Variants in NUDT13 observed in about 807,000 individuals in gnomAD.
NUDT13 encodes the protein NAD(P)H pyrophosphatase NUDT13, mitochondrial.
In NUDT13, 40 loss-of-function variants were observed where a neutral mutation model predicts 41.7. The observed-to-expected ratio is 0.96, with a 90% confidence interval of 0.75 to 1.25. The LOEUF is 1.25. Ranked by LOEUF, NUDT13 falls within the 50% of genes most tolerant of loss-of-function variation. The pLI is 0.00. For synonymous variants in NUDT13, 145 were observed against 155.5 expected (o/e 0.93, Z 0.50); for missense variants, 390 against 416.1 (o/e 0.94, Z 0.55).
In NUDT13 at chr10:73,122,321, T is replaced by C; in HGVS notation, c.358+12T>C. ...CTTTTCCATAAGTGGTACATGACAT[T>C]ATTCCTAACGGGTACTTCCCAGTGG... On this transcript the variant is annotated intron_variant, in intron 4 of 8. Transcript: ENST00000357321. 1 of 1,604,502 alleles carries C rather than the reference T, an allele frequency of 6.2e-7. No homozygotes were observed. Among genetic ancestry groups the C allele is most frequent in the Non-Finnish European group, 8.5e-7 (1 of 1,177,054 alleles).
chr10:73,117,159 AG>A (rs1358138410), intron 2 of NUDT13, among the ~76,000 whole-genome samples: 1 of 151,788 alleles, frequency 6.6e-6, no homozygotes, highest in Non-Finnish European at 1.5e-5. Context: ...CTGGGATTAC[AG>A]GAGTACGCCA....
intron 2 of NUDT13, among the ~76,000 whole-genome samples, chr10:73,114,703 T>C (rs1011784166): frequency 2.0e-5 from 3 of 151,804 alleles, no homozygotes; most frequent in Non-Finnish European, 2.9e-5. Context: ...ACTTTAGACC[T>C]CAGGGGCAGG....
intron 2 of NUDT13, among the ~76,000 whole-genome samples, chr10:73,116,415 C>T (rs1842510216): frequency 6.6e-6 from 1 of 152,050 alleles, no homozygotes; most frequent in Admixed American, 6.6e-5. Flanking sequence ...ACCAGTGATT[C>T]CAATATATAA....
intron 8 of NUDT13, chr10:73,130,487 T>TACAC (rs754288651): frequency 8.4e-5 from 24 of 286,694 alleles, no homozygotes; most frequent in Non-Finnish European, 1.4e-4. Context: ...TATATATATA[T>TACAC]ACACACACAC....
intron 8 of NUDT13, among the ~76,000 whole-genome samples, chr10:73,129,241 C>G (rs1842860659): frequency 7.0e-6 from 1 of 142,440 alleles, no homozygotes; most frequent in Non-Finnish European, 1.5e-5. Flanking sequence ...GGCACAATCT[C>G]AGCTCACTGC....
intron 8 of NUDT13, among the ~76,000 whole-genome samples, chr10:73,128,032 A>G (rs1842834935): frequency 6.6e-6 from 1 of 152,016 alleles, no homozygotes. Context: ...AGATCATGCA[A>G]TATTTGTCTT....
In NUDT13 at chr10:73,131,624, T is replaced by C. The variant is rs1187269075; in HGVS notation, c.*721T>C. On this transcript the variant is annotated 3_prime_UTR_variant, in exon 9 of 9. Coordinates refer to ENST00000357321, the MANE Select transcript of NUDT13 (RefSeq NM_015901.6). ...AGACTATTGCTTTGCCATGCCTGTT[T>C]TCCTAAATAAAACAGTTGCTGGCAT... is the stretch of plus-strand genomic sequence containing the variant. 6.6e-6 allele frequency: 1 copy of C among 152,278 alleles called. No individual in the cohort carries two copies. Among genetic ancestry groups the C allele is most frequent in the East Asian group, 1.9e-4 (1 of 5,204 alleles). 9.4% of individuals were successfully genotyped at this position (152,278 alleles called of 1,614,324 possible).
At chr10:73,119,592 T>A in intron 2 of NUDT13, 1 of 442,386 alleles carries the variant, frequency 2.3e-6, no homozygotes, top group Non-Finnish European at 3.0e-6. Flanking sequence ...AATTCTTGCC[T>A]CACAGTGTAA....
chr10:73,119,879 T>C (rs958333038), intron 2 of NUDT13, 139 bp from the exon 3 acceptor site: 1 of 908,100 alleles, frequency 1.1e-6, no homozygotes, highest in Admixed American at 2.3e-5. Context: ...AAACCCTTTT[T>C]GGAGCAAATT....
chr10:73,127,834 T>A (rs1414740874), intron 8 of NUDT13, among the ~76,000 whole-genome samples: 1 of 151,904 alleles, frequency 6.6e-6, no homozygotes, highest in East Asian at 1.9e-4. Flanking sequence ...ATTGTAGACC[T>A]TATGGTGTAC....
intron 3 of NUDT13, 101 bp from the exon 4 acceptor site, chr10:73,122,074 T>C: frequency 7.3e-7 from 1 of 1,374,760 alleles, no homozygotes. Context: ...ATACCCACTT[T>C]AAGCTGAAGT....
At chr10:73,114,728 ATC>A (rs1842463592) in intron 2 of NUDT13, among the ~76,000 whole-genome samples, 1 of 151,780 alleles carries the variant, frequency 6.6e-6, no homozygotes, top group South Asian at 2.1e-4. Context: ...AGGAAACAAA[ATC>A]TCTTTTACCT....
intron 6 of NUDT13, 34 bp from the exon 7 acceptor site, chr10:73,125,364 T>C (rs535941066): frequency 1.2e-6 from 2 of 1,610,992 alleles, no homozygotes; most frequent in South Asian, 2.2e-5. Flanking sequence ...GGGCCCAAAG[T>C]GCCAGCATCT....
At chr10:73,114,324 CTTTT>C in intron 1 of NUDT13, 29 bp from the exon 2 acceptor site, 1 of 1,127,138 alleles carries the variant, frequency 8.9e-7, no homozygotes, top group Non-Finnish European at 1.3e-6. Context: ...CATATTATGA[CTTTT>C]TTTAAAACTC....
chr10:73,129,940 T>C (rs1377591139), intron 8 of NUDT13, among the ~76,000 whole-genome samples: 2 of 150,656 alleles, frequency 1.3e-5, no homozygotes, highest in Non-Finnish European at 3.0e-5. Flanking sequence ...GATCACACCA[T>C]TGCCCTCTAG....
At chr10:73,112,844 C>CTA (rs201482211) in intron 1 of NUDT13, among the ~76,000 whole-genome samples, 18 of 151,338 alleles carry the variant, frequency 1.2e-4, no homozygotes, top group East Asian at 1.9e-4. Context: ...CTCCCTGTTA[C>CTA]TATATATATA....
At chr10:73,130,518 C>A (rs937152208) in intron 8 of NUDT13, 185 bp from the exon 9 acceptor site, 1 of 470,530 alleles carries the variant, frequency 2.1e-6, no homozygotes, top group Admixed American at 3.3e-5. Context: ...ATAAAACTCT[C>A]ATTTCTTAAT....
At position 73,126,840 on chromosome 10, in the gene NUDT13, C is replaced by G. The variant is rs7072086; in HGVS notation, c.858+13C>G. 170,319 of 1,611,076 alleles carry G rather than the reference C, an allele frequency of 0.11. 17,608 individuals are homozygous for G. The highest frequency in any genetic ancestry group is 0.47 in the African/African-American group (35,244 of 74,846). On this transcript the variant is annotated intron_variant, in intron 8 of 8. Transcript: ENST00000357321. ...AGGGCAGACAGAAGTAAGTTCTCAT[C>G]TTCCCTTATACTGTGATATTTCTTT...
At chr10:73,119,994 G>C (rs1185795566) in intron 2 of NUDT13, 24 bp from the exon 3 acceptor site, 1 of 1,613,506 alleles carries the variant, frequency 6.2e-7, no homozygotes, top group Non-Finnish European at 8.5e-7. Flanking sequence ...GTTTTGTAAT[G>C]GTTTGATTAT....
Sources: gnomAD v4.1 joint callset for allele counts (sites outside exome capture counted in the v4.1 genomes callset) on GRCh38, gnomAD v4.1.1 for gene constraint, MANE v1.5 for transcripts, NCBI Gene and HGNC (gene_info 2026-07-23, HGNC 2026-07-21) for gene names.